MCTP2: variants seen among roughly 807,000 people sequenced by gnomAD.
MCTP2 encodes the protein multiple C2 and transmembrane domain-containing protein 2.
A neutral mutation model predicts 111.6 loss-of-function variants in MCTP2; 132 were observed. The observed-to-expected ratio is 1.18, with a 90% CI of 1.03 to 1.37. The LOEUF is 1.37. Among genes scored for constraint, MCTP2 ranks in the 40% most tolerant of loss-of-function variants. The probability of loss-of-function intolerance (pLI) is 0.00; values close to 1 mark genes in which losing one functional copy is unlikely to be tolerated. For synonymous variants in MCTP2, 395 were observed against 387.7 expected (o/e 1.02, Z -0.22); for missense variants, 1,183 against 1,067.9 (o/e 1.11, Z -1.50).
chr15:94,286,685 T>C (rs1410806295), intron 1 of MCTP2, among the ~76,000 whole-genome samples: 1 of 152,126 alleles, frequency 6.6e-6, no homozygotes, highest in East Asian at 1.9e-4. Flanking sequence ...CAATCAGAGA[T>C]TTGGGGGCTG....
intron 1 of MCTP2, among the ~76,000 whole-genome samples, chr15:94,264,617 G>A (rs200974841): frequency 6.6e-6 from 1 of 150,832 alleles, no homozygotes; most frequent in Non-Finnish European, 1.5e-5. Flanking sequence ...TCTCAAAAAA[G>A]AAAAAAAAAT....
At chr15:94,269,435 A>G (rs2073787953) in intron 1 of MCTP2, among the ~76,000 whole-genome samples, 1 of 152,260 alleles carries the variant, frequency 6.6e-6, no homozygotes, top group African/African-American at 2.4e-5. Flanking sequence ...GACAGATAAT[A>G]GAGTAGATTT....
intron 3 of MCTP2, 101 bp downstream of exon 3, chr15:94,314,445 A>G: frequency 2.2e-6 from 2 of 914,616 alleles, no homozygotes; most frequent in South Asian, 3.3e-5. Context: ...CTAAAAAAAA[A>G]AAAAAAATGC....
chr15:94,466,025 T>C (rs1000831474), intron 20 of MCTP2, among the ~76,000 whole-genome samples: 4 of 152,192 alleles, frequency 2.6e-5, no homozygotes, highest in Non-Finnish European at 4.4e-5. Flanking sequence ...TTCTCTGCAG[T>C]TTAAAATCCT....
intron 12 of MCTP2, among the ~76,000 whole-genome samples, chr15:94,370,780 G>C (rs764818993): frequency 2.0e-5 from 3 of 152,130 alleles, no homozygotes; most frequent in Non-Finnish European, 4.4e-5. Flanking sequence ...GCCAGTGTCT[G>C]ACAGCGACTC....
intron 14 of MCTP2, among the ~76,000 whole-genome samples, chr15:94,389,368 A>T (rs574401362): frequency 2.0e-5 from 3 of 152,186 alleles, no homozygotes; most frequent in Non-Finnish European, 4.4e-5. Flanking sequence ...GGAAAGGTTG[A>T]GGGAGGTCTC....
At chr15:94,310,367 T>A (rs2076069194) in intron 2 of MCTP2, among the ~76,000 whole-genome samples, 2 of 152,148 alleles carry the variant, frequency 1.3e-5, no homozygotes, top group South Asian at 4.1e-4. Flanking sequence ...TTTTTTTGGG[T>A]GGTAGAACTG....
chr15:94,423,311 A>G (rs2082714926), intron 17 of MCTP2, among the ~76,000 whole-genome samples: 1 of 152,164 alleles, frequency 6.6e-6, no homozygotes, highest in African/African-American at 2.4e-5. Flanking sequence ...TCACAGAAGA[A>G]AAATGTTTGA....
chr15:94,328,608 CAGTT>C (rs544750505), intron 4 of MCTP2, among the ~76,000 whole-genome samples: 18 of 152,302 alleles, frequency 1.2e-4, no homozygotes, highest in East Asian at 3.9e-4. Context: ...ATTTCAGTGA[CAGTT>C]AGTCCTATCA....
intron 9 of MCTP2, among the ~76,000 whole-genome samples, chr15:94,356,959 C>T (rs1345260724): frequency 6.6e-6 from 1 of 151,984 alleles, no homozygotes; most frequent in Non-Finnish European, 1.5e-5. Context: ...ATTAGTTTTA[C>T]ATAACTGTCA....
chr15:94,347,765 C>T (rs2078061126), intron 8 of MCTP2, among the ~76,000 whole-genome samples: 1 of 152,124 alleles, frequency 6.6e-6, no homozygotes, highest in Admixed American at 6.5e-5. Flanking sequence ...AAAATATTAA[C>T]AGTGGTTATT....
intron 17 of MCTP2, among the ~76,000 whole-genome samples, chr15:94,422,864 C>G (rs549672180): frequency 2.6e-5 from 4 of 152,010 alleles, no homozygotes; most frequent in South Asian, 4.1e-4. Flanking sequence ...CGTCTTTTTT[C>G]TTTTTTCTTC....
chr15:94,314,225 C>A, intron 2 of MCTP2, 57 bp from the exon 3 acceptor site: 1 of 1,201,460 alleles, frequency 8.3e-7, no homozygotes, highest in South Asian at 1.3e-5. Flanking sequence ...GGGTATCTTC[C>A]TGAGTTGGTA....
At chr15:94,431,690 A>C (rs1214259779) in intron 17 of MCTP2, among the ~76,000 whole-genome samples, 1 of 152,202 alleles carries the variant, frequency 6.6e-6, no homozygotes. Context: ...TTAAAAATTT[A>C]ACCCTGGATT....
At chr15:94,455,104 G>A (rs533205213) in intron 19 of MCTP2, among the ~76,000 whole-genome samples, 1 of 152,244 alleles carries the variant, frequency 6.6e-6, no homozygotes, top group African/African-American at 2.4e-5. Context: ...TTGCAGGCGT[G>A]AGCCACCACT....
Position 94,481,367 on chromosome 15 carries a change from A to G in MCTP2, c.*2333A>G, listed in dbSNP as rs931522367. ...TTTCTGGGCTTGGAATTTCTCGGTCATCCTCTTTTTTTTTGTTCCTCGTGC... is the reference window on the plus strand; with the variant it reads ...TTTCTGGGCTTGGAATTTCTCGGTCGTCCTCTTTTTTTTTGTTCCTCGTGC... On this transcript the variant is annotated 3_prime_UTR_variant, in exon 23 of 23. Transcript: ENST00000357742. The G allele has an allele frequency of 3.3e-5, 5 of 151,718 alleles. No homozygotes were observed. Among genetic ancestry groups the G allele is most frequent in the African/African-American group, 1.2e-4 (5 of 41,214 alleles). The allele number at this position is 151,718 out of a possible 1,614,324, so 9.4% of individuals were successfully genotyped here. A position where few individuals can be genotyped will look rare whatever the true frequency, so the allele number is the denominator to read the frequency against.
chr15:94,277,690 AC>A (rs1252353750), intron 1 of MCTP2, among the ~76,000 whole-genome samples: 1 of 152,136 alleles, frequency 6.6e-6, no homozygotes, highest in East Asian at 1.9e-4. Flanking sequence ...GGATGAATGG[AC>A]AAAGCAGGGG....
At position 94,398,554 on chromosome 15, in the gene MCTP2, G is replaced by A. The variant is rs780438604; in HGVS notation, c.1789-407G>A. Among the ~76,000 whole-genome samples the A allele has an allele frequency of 5.9e-5, 9 of 152,268 alleles. No individual in the cohort carries two copies. In the South Asian group the frequency reaches 6.2e-4, roughly 11 times the overall value. On this transcript the variant is annotated intron_variant, in intron 14 of 22. Transcript: ENST00000357742. ...AGGACCCAATCCAGAATACCACATT[G>A]CATTTAATCATCTTATCTCCTTAGA...
chr15:94,451,552 C>G (rs1204069966), intron 19 of MCTP2, among the ~76,000 whole-genome samples: 2 of 152,084 alleles, frequency 1.3e-5, no homozygotes, highest in Non-Finnish European at 2.9e-5. Context: ...TACACATTTC[C>G]CTCTGTAAAT....
Sources: allele counts gnomAD v4.1 joint callset (sites outside exome capture counted in the v4.1 genomes callset), GRCh38; gene constraint gnomAD v4.1.1; transcripts MANE v1.5; gene names NCBI Gene and HGNC (gene_info 2026-07-23, HGNC 2026-07-21).